The following PCDH15 variants were observed in gnomAD, a reference collection of about 807,000 sequenced individuals.
The protein encoded by PCDH15 is protocadherin-15.
In PCDH15, 129 loss-of-function variants were observed where a neutral mutation model predicts 178.5. The observed-to-expected ratio is 0.72, with a 90% CI of 0.63 to 0.84. The LOEUF (loss-of-function observed/expected upper bound fraction) is 0.84. Among genes scored for constraint, PCDH15 ranks in the 40% least tolerant of loss-of-function variants. PCDH15 has a pLI of 0.00. For missense variants in PCDH15, 2,230 were observed against 2,099.9 expected (o/e 1.06, Z -1.21); for synonymous variants, 800 against 732.0 (o/e 1.09, Z -1.50).
At chr10:54,933,473 G>A (rs1837831669) in intron 2 of PCDH15, among the ~76,000 whole-genome samples, 1 of 152,112 alleles carries the variant, frequency 6.6e-6, no homozygotes, top group Non-Finnish European at 1.5e-5. Flanking sequence ...AAAGATTCAA[G>A]TTCATTTCCT....
At chr10:54,388,251 G>A (rs995830192) in intron 3 of PCDH15, among the ~76,000 whole-genome samples, 10 of 152,158 alleles carry the variant, frequency 6.6e-5, no homozygotes, top group African/African-American at 2.4e-4. Context: ...ATGGCCAGAG[G>A]ACAATCTGAG....
chr10:54,248,627 T>C (rs10400005), intron 8 of PCDH15, among the ~76,000 whole-genome samples: 10,881 of 152,032 alleles, frequency 0.072, 742 homozygotes, highest in African/African-American at 0.18. Context: ...GTATCAGGGA[T>C]GGGGATTCAA....
intron 2 of PCDH15, among the ~76,000 whole-genome samples, chr10:54,617,029 A>G (rs1255845764): frequency 1.3e-5 from 2 of 151,516 alleles, no homozygotes; most frequent in East Asian, 3.9e-4. Flanking sequence ...CTTTAAAAAC[A>G]TGACGTTTTT....
intron 8 of PCDH15, among the ~76,000 whole-genome samples, chr10:54,261,345 G>A (rs1434809425): frequency 3.3e-5 from 5 of 151,832 alleles, no homozygotes; most frequent in Admixed American, 3.3e-4. Context: ...GCATTTACCA[G>A]AATGATTTGT....
intron 3 of PCDH15, among the ~76,000 whole-genome samples, chr10:54,856,949 GT>G (rs916146921): frequency 3.8e-4 from 58 of 151,916 alleles, no homozygotes; most frequent in Middle Eastern, 3.4e-3. Flanking sequence ...ATTTTGTGCT[GT>G]TTTGTTTTTG....
chr10:54,844,265 GAGAGAC>G (rs2131755504), intron 3 of PCDH15, among the ~76,000 whole-genome samples: 1 of 151,994 alleles, frequency 6.6e-6, no homozygotes, highest in Non-Finnish European at 1.5e-5. Context: ...TTAGTGAGGG[GAGAGAC>G]AGAGACAGAG....
At chr10:55,303,641 G>GT (rs968169497) in intron 1 of PCDH15, among the ~76,000 whole-genome samples, 53 of 151,818 alleles carry the variant, frequency 3.5e-4, no homozygotes, top group Non-Finnish European at 4.4e-4. Flanking sequence ...GGTAGTTGGT[G>GT]TTTTTTTTGG....
chr10:54,221,265 G>A (rs1483963497), intron 9 of PCDH15, among the ~76,000 whole-genome samples: 2 of 151,910 alleles, frequency 1.3e-5, no homozygotes, highest in East Asian at 1.9e-4. Context: ...AAAATTCTAC[G>A]TTTTTCACTT....
intron 2 of PCDH15, among the ~76,000 whole-genome samples, chr10:54,592,298 C>T (rs186382779): frequency 6.6e-6 from 1 of 150,406 alleles, no homozygotes; most frequent in African/African-American, 2.4e-5. Context: ...TGCTCCTGTC[C>T]CCTCCCCTCC....
intron 6 of PCDH15, among the ~76,000 whole-genome samples, chr10:54,337,403 A>G (rs1344338097): frequency 6.6e-6 from 1 of 152,130 alleles, no homozygotes; most frequent in East Asian, 1.9e-4. Context: ...TGTAGCTCCC[A>G]TAATCCCCAA....
rs546176692 is a variant in PCDH15 at position 54,940,285 on chromosome 10, G to C, written c.-79-42785C>G. 3.3e-5 allele frequency among the ~76,000 whole-genome samples: 5 copies of C among 151,786 alleles called. No homozygotes were observed. In the East Asian group the frequency reaches 9.7e-4, roughly 29 times the overall value. ...TGAATTTCCCTTGTAAATTCTCTTT[G>C]GTCCATTGATTGTTAAAGAGTGTGT... On this transcript the variant is annotated intron_variant, in intron 2 of 5. Transcript: ENST00000458638.
intron 3 of PCDH15, among the ~76,000 whole-genome samples, chr10:54,850,843 C>A (rs1196324499): frequency 6.6e-6 from 1 of 151,972 alleles, no homozygotes; most frequent in Non-Finnish European, 1.5e-5. Context: ...CTGAAAAATT[C>A]AGAAGTTGCT....
intron 2 of PCDH15, among the ~76,000 whole-genome samples, chr10:55,565,841 T>G (rs1842290736): frequency 6.6e-6 from 1 of 151,598 alleles, no homozygotes; most frequent in African/African-American, 2.4e-5. Context: ...ACTGAACCAC[T>G]AATAAAATAT....
intron 3 of PCDH15, among the ~76,000 whole-genome samples, chr10:54,508,595 T>C (rs1403719096): frequency 6.6e-6 from 1 of 152,154 alleles, no homozygotes; most frequent in Non-Finnish European, 1.5e-5. Flanking sequence ...GTGTTGAATA[T>C]CTGATGTGAT....
At chr10:55,596,549 T>C (rs997962626) in intron 2 of PCDH15, among the ~76,000 whole-genome samples, 2 of 152,212 alleles carry the variant, frequency 1.3e-5, no homozygotes, top group Middle Eastern at 3.4e-3. Flanking sequence ...AGCTATCCCA[T>C]AGGTTATTAT....
At chr10:53,963,882 T>C (rs555995167) in intron 21 of PCDH15, among the ~76,000 whole-genome samples, 1 of 152,300 alleles carries the variant, frequency 6.6e-6, no homozygotes, top group South Asian at 2.1e-4. Context: ...GTATTAAAAT[T>C]ATCTCATGAC....
intron 2 of PCDH15, among the ~76,000 whole-genome samples, chr10:54,996,733 T>A (rs1477163220): frequency 1.3e-5 from 2 of 152,146 alleles, no homozygotes; most frequent in Admixed American, 6.5e-5. Flanking sequence ...TAAGCAGGGT[T>A]TGGTCAGGTT....
At chr10:54,476,649 G>A (rs2078293077) in intron 3 of PCDH15, among the ~76,000 whole-genome samples, 1 of 152,084 alleles carries the variant, frequency 6.6e-6, no homozygotes, top group Admixed American at 6.6e-5. Context: ...TTGGAGGAAA[G>A]ACAGAATTGT....
chr10:55,233,253 T>A (rs914338674), intron 1 of PCDH15, among the ~76,000 whole-genome samples: 2 of 152,144 alleles, frequency 1.3e-5, no homozygotes, highest in African/African-American at 4.8e-5. Context: ...TTCTCCTTTA[T>A]ATACAAAAGC....
Sources: allele counts gnomAD v4.1 joint callset (sites outside exome capture counted in the v4.1 genomes callset), GRCh38; gene constraint gnomAD v4.1.1; transcripts MANE v1.5; gene names NCBI Gene and HGNC (gene_info 2026-07-23, HGNC 2026-07-21).